TMEM116: variants seen among roughly 807,000 people sequenced by gnomAD.
TMEM116 encodes transmembrane protein 116.
In TMEM116, 38 loss-of-function variants were observed where a neutral mutation model predicts 44.3. The observed-to-expected ratio is 0.86, with a 90% CI of 0.66 to 1.12. The LOEUF (loss-of-function observed/expected upper bound fraction) is 1.12, where lower values mean the gene tolerates loss of function less well. Among genes scored for constraint, TMEM116 ranks in the 50% most tolerant of loss-of-function variants. TMEM116 has a pLI of 0.00. For missense variants in TMEM116, 354 were observed against 401.7 expected (o/e 0.88, Z 1.01); for synonymous variants, 132 against 144.8 (o/e 0.91, Z 0.64).
At chr12:111,993,354 C>A (rs1360236951) in intron 3 of TMEM116, 6 of 522,868 alleles carry the variant, frequency 1.1e-5, no homozygotes, top group Admixed American at 1.0e-4. Context: ...GGCTAAAGGA[C>A]AGGCTCTGAC....
intron 9 of TMEM116, among the ~76,000 whole-genome samples, chr12:111,933,011 T>C (rs2071784862): frequency 1.3e-5 from 2 of 152,098 alleles, no homozygotes; most frequent in South Asian, 4.1e-4. Flanking sequence ...GAGGCCAAGG[T>C]GGGCAGATCA....
At chr12:111,954,747 G>A (rs1450789300) in intron 4 of TMEM116, among the ~76,000 whole-genome samples, 1 of 152,122 alleles carries the variant, frequency 6.6e-6, no homozygotes, top group African/African-American at 2.4e-5. Flanking sequence ...CATTCTTCCA[G>A]GAAATAAAAC....
In TMEM116 at chr12:112,009,853, A is replaced by C. The variant is rs12321783; in HGVS notation, c.-34+3149T>G. Among the ~76,000 whole-genome samples, 1,445 of 152,226 alleles carry C rather than the reference A, an allele frequency of 9.5e-3. 11 individuals carry two copies. The highest frequency in any genetic ancestry group is 0.022 in the African/African-American group (908 of 41,556). ...CAAGTGACTCTGTCTCAAAAAAAAAAAAAACAAAACAAAACCTACTTCTAA... is the reference window on the plus strand; with the variant it reads ...CAAGTGACTCTGTCTCAAAAAAAAACAAAACAAAACAAAACCTACTTCTAA... On this transcript the variant is annotated intron_variant, in intron 1 of 10. Coordinates refer to ENST00000552374, the MANE Select transcript of TMEM116 (RefSeq NM_001193531.2).
At chr12:111,971,271 A>G (rs966991906) in intron 4 of TMEM116, among the ~76,000 whole-genome samples, 3 of 152,198 alleles carry the variant, frequency 2.0e-5, no homozygotes, top group African/African-American at 7.2e-5. Context: ...CTACTTAAAT[A>G]CCATTAATAA....
chr12:111,956,218 G>T (rs12579298), intron 4 of TMEM116, among the ~76,000 whole-genome samples: 29,765 of 151,954 alleles, frequency 0.2, 3,133 homozygotes, highest in Middle Eastern at 0.27. Context: ...AATCAAACAG[G>T]AACTCAATAA....
intron 3 of TMEM116, chr12:111,993,617 A>G (rs759257454): frequency 5.4e-6 from 3 of 551,976 alleles, no homozygotes; most frequent in Non-Finnish European, 1.1e-5. Context: ...GAAGGCCTAA[A>G]AACATTCTAC....
chr12:111,960,590 C>T (rs985052535), intron 4 of TMEM116, among the ~76,000 whole-genome samples: 3 of 146,448 alleles, frequency 2.0e-5, no homozygotes, highest in African/African-American at 5.1e-5. Flanking sequence ...GGGTAAATAA[C>T]GAAATTAAGG....
intron 8 of TMEM116, 44 bp downstream of exon 8, chr12:111,936,648 C>T (rs759397325): frequency 1.3e-6 from 2 of 1,596,076 alleles, no homozygotes; most frequent in East Asian, 4.5e-5. Context: ...CCATCCCCTT[C>T]ATTTCCTCAT....
chr12:111,994,547 G>T (rs2076820969), intron 3 of TMEM116, among the ~76,000 whole-genome samples: 1 of 152,132 alleles, frequency 6.6e-6, no homozygotes, highest in African/African-American at 2.4e-5. Flanking sequence ...GATTTAGGGG[G>T]TCATTTGATT....
rs1334957683 is a variant in TMEM116, at chr12:111,943,369, T to C, written c.211A>G (p.Ile71Val). The change falls in exon 5 of 11, where the codon ATA (isoleucine) becomes GTA (valine). Residue 71 changes from isoleucine (I) to valine (V), a missense_variant and splice_region_variant. Transcript: ENST00000552374. ...ICYNLQAVGQ[I>V]FYISSFLYTV... ...TAGAGAAATGAGGAAATGTAGAATA[T>C]CTAGGTTAAAATCAAAACAACCCAT... 10 of 1,608,898 alleles carry C rather than the reference T, an allele frequency of 6.2e-6. No individual in the cohort carries two copies. Among genetic ancestry groups the C allele is most frequent in the Non-Finnish European group, 8.5e-6 (10 of 1,175,432 alleles).
intron 1 of TMEM116, chr12:112,011,970 G>T: frequency 6.6e-6 from 1 of 152,288 alleles, no homozygotes; most frequent in Non-Finnish European, 1.5e-5. Context: ...TAAAACTTCT[G>T]GTGACTCCAA....
At chr12:111,982,472 T>C (rs2075992854) in intron 4 of TMEM116, among the ~76,000 whole-genome samples, 1 of 152,058 alleles carries the variant, frequency 6.6e-6, no homozygotes, top group Non-Finnish European at 1.5e-5. Flanking sequence ...AGCTAATTTT[T>C]TGTATTTTAG....
intron 6 of TMEM116, among the ~76,000 whole-genome samples, chr12:111,937,475 G>T (rs1196849867): frequency 6.6e-6 from 1 of 152,284 alleles, no homozygotes. Flanking sequence ...GCTAATGAAC[G>T]CTACCATAGT....
intron 1 of TMEM116, among the ~76,000 whole-genome samples, chr12:112,006,631 G>A (rs2077598123): frequency 6.6e-6 from 1 of 152,188 alleles, no homozygotes; most frequent in South Asian, 2.1e-4. Context: ...CCAGCCTTCT[G>A]ACAGCTTATA....
chr12:112,013,135 G>C lies in TMEM116; in HGVS notation c.-167C>G, dbSNP rs970033821. 9.7e-6 allele frequency: 3 copies of C among 309,732 alleles called. No individual in the cohort carries two copies. Among genetic ancestry groups the C allele is most frequent in the Non-Finnish European group, 1.8e-5 (3 of 166,690 alleles). The allele number at this position is 309,732 out of a possible 1,614,324, so 19.2% of individuals were successfully genotyped here. Reference sequence around the variant, plus strand: ...TATAGCGTCCCCATGCGCACTTGGCGCTTCTCCTCAAGCGGAGCAGGAACG... The same window carrying C: ...TATAGCGTCCCCATGCGCACTTGGCCCTTCTCCTCAAGCGGAGCAGGAACG... On this transcript the variant is annotated 5_prime_UTR_variant, in exon 1 of 11. Transcript: ENST00000552374.
At chr12:111,993,729 G>A in intron 3 of TMEM116, 1 of 657,240 alleles carries the variant, frequency 1.5e-6, no homozygotes, top group Non-Finnish European at 2.9e-6. Flanking sequence ...TTGTGGTTCG[G>A]AAGCCCTGTG....
intron 2 of TMEM116, 108 bp downstream of exon 2, chr12:112,005,149 C>T: frequency 1.5e-6 from 1 of 674,728 alleles, no homozygotes; most frequent in South Asian, 2.5e-5. Context: ...TATCATTTCT[C>T]TTTAACTAAA....
intron 4 of TMEM116, among the ~76,000 whole-genome samples, chr12:111,945,154 C>G (rs1004990011): frequency 2.0e-5 from 3 of 149,592 alleles, no homozygotes; most frequent in Non-Finnish European, 4.4e-5. Context: ...ACCAGCCTGG[C>G]CAATATGGTG....
intron 4 of TMEM116, among the ~76,000 whole-genome samples, chr12:111,954,357 A>T (rs1469687154): frequency 6.6e-6 from 1 of 152,226 alleles, no homozygotes; most frequent in Admixed American, 6.5e-5. Context: ...GCAGAAAGTA[A>T]TCGATCAGTA....
Sources: allele counts gnomAD v4.1 joint callset (sites outside exome capture counted in the v4.1 genomes callset), GRCh38; gene constraint gnomAD v4.1.1; transcripts MANE v1.5; gene names NCBI Gene and HGNC (gene_info 2026-07-23, HGNC 2026-07-21).